The following COLEC12 variants were observed in gnomAD, a reference collection of about 807,000 sequenced individuals.
COLEC12 encodes collectin-12.
In COLEC12, 33 loss-of-function variants were observed where a neutral mutation model predicts 71.1. That is an observed-to-expected ratio of 0.46 (90% confidence interval 0.35 to 0.62). The LOEUF (loss-of-function observed/expected upper bound fraction) is 0.62. Ranked by LOEUF, COLEC12 falls within the 20% of genes least tolerant of loss-of-function variation. COLEC12 has a pLI of 0.00. For synonymous variants in COLEC12, 350 were observed against 353.0 expected (o/e 0.99, Z 0.10); for missense variants, 765 against 916.1 (o/e 0.84, Z 2.13).
At chr18:450,233 G>A (rs530249733) in intron 2 of COLEC12, among the ~76,000 whole-genome samples, 12 of 152,170 alleles carry the variant, frequency 7.9e-5, no homozygotes, top group African/African-American at 2.6e-4. Context: ...TGTCTTTTCC[G>A]CCTATTTCAC....
intron 5 of COLEC12, among the ~76,000 whole-genome samples, chr18:335,732 C>T (rs2076867): frequency 0.6 from 91,299 of 152,122 alleles, 28,398 homozygotes; most frequent in Non-Finnish European, 0.67. Flanking sequence ...CCTCCCAGTC[C>T]GTGTACTGTG....
intron 2 of COLEC12, among the ~76,000 whole-genome samples, chr18:455,278 CTTT>C (rs33915278): frequency 6.8e-5 from 9 of 132,462 alleles, no homozygotes; most frequent in Non-Finnish European, 9.6e-5. Context: ...TTATTTTACG[CTTT>C]TTTTTTTTTT....
At chr18:482,109 G>A (rs977915832) in intron 1 of COLEC12, among the ~76,000 whole-genome samples, 1 of 150,920 alleles carries the variant, frequency 6.6e-6, no homozygotes, top group African/African-American at 2.4e-5. Context: ...CTACTGTCCA[G>A]GAGGAACACT....
At chr18:497,358 G>T (rs1453811191) in intron 1 of COLEC12, among the ~76,000 whole-genome samples, 2 of 151,330 alleles carry the variant, frequency 1.3e-5, no homozygotes, top group Non-Finnish European at 2.9e-5. Context: ...GGTGTCCACT[G>T]ATTTTCAATT....
At chr18:363,347 G>C (rs1433229216) in intron 2 of COLEC12, among the ~76,000 whole-genome samples, 1 of 152,212 alleles carries the variant, frequency 6.6e-6, no homozygotes, top group Non-Finnish European at 1.5e-5. Flanking sequence ...GGTAGGTGGA[G>C]GCCGGCACTG....
chr18:480,215 ATTCAGGG>A lies in COLEC12; in HGVS notation c.58+485_58+491del, dbSNP rs1275069418. Among the ~76,000 whole-genome samples, 1 of 152,152 alleles carries A rather than the reference ATTCAGGG, an allele frequency of 6.6e-6. No individual in the cohort carries two copies. The highest frequency in any genetic ancestry group is 1.5e-5 in the Non-Finnish European group (1 of 68,026). ...CATAAGGTAACATTCAGGTTTCAGGATTCAGGGTGCTGTCACCTTTGGGGGCCATTCC... is the reference window on the plus strand; with the variant it reads ...CATAAGGTAACATTCAGGTTTCAGGATGCTGTCACCTTTGGGGGCCATTCC... On this transcript the variant is annotated intron_variant, in intron 2 of 9. Coordinates refer to ENST00000400256, the MANE Select transcript of COLEC12 (RefSeq NM_130386.3). The surrounding 1 kb of genome is among the most constrained non-coding windows in gnomAD (Gnocchi z 4.1).
rs1020858458 is a variant in COLEC12 at position 348,244 on chromosome 18, T to C, written c.182-81A>G. On this transcript the variant is annotated intron_variant, in intron 3 of 9. Transcript: ENST00000400256. ...AGTTTCAAAACAAGAGATCATTTCA[T>C]TATGGAACAAAGGAAACAGATTGAA... The C allele has an allele frequency of 1.0e-5, 9 of 865,496 alleles. No homozygotes were observed. In the African/African-American group the frequency reaches 1.2e-4, roughly 11 times the overall value. 53.6% of individuals were successfully genotyped at this position (865,496 alleles called of 1,614,324 possible).
intron 2 of COLEC12, among the ~76,000 whole-genome samples, chr18:405,370 G>T (rs1487400812): frequency 6.6e-6 from 1 of 151,998 alleles, no homozygotes; most frequent in African/African-American, 2.4e-5. Context: ...TGTGATCTTT[G>T]TACCTACTCC....
intron 2 of COLEC12, among the ~76,000 whole-genome samples, chr18:424,965 G>T (rs749205328): frequency 6.6e-6 from 1 of 152,090 alleles, no homozygotes; most frequent in Non-Finnish European, 1.5e-5. Context: ...CGAGCCGGGC[G>T]GCCTTCCCTT....
At chr18:416,953 G>T (rs1344969223) in intron 2 of COLEC12, among the ~76,000 whole-genome samples, 2 of 151,880 alleles carry the variant, frequency 1.3e-5, no homozygotes, top group African/African-American at 4.8e-5. Context: ...CAAGGGCATG[G>T]ATGTGTGGGA....
At chr18:434,030 AAG>A (rs1383255834) in intron 2 of COLEC12, among the ~76,000 whole-genome samples, 3 of 151,710 alleles carry the variant, frequency 2.0e-5, no homozygotes, top group African/African-American at 7.3e-5. Flanking sequence ...AAACATAATT[AAG>A]AGAGAGAAAA....
intron 2 of COLEC12, among the ~76,000 whole-genome samples, chr18:420,162 C>CAAT (rs1302960746): frequency 1.3e-5 from 2 of 152,032 alleles, no homozygotes; most frequent in Non-Finnish European, 2.9e-5. Flanking sequence ...AGGACCAGAG[C>CAAT]AATAATAATA....
At chr18:449,123 A>C (rs1916708621) in intron 2 of COLEC12, among the ~76,000 whole-genome samples, 1 of 152,124 alleles carries the variant, frequency 6.6e-6, no homozygotes, top group African/African-American at 2.4e-5. Flanking sequence ...AAAATATAAC[A>C]ATAAAAGTGG....
At chr18:361,715 C>T (rs1459939667) in intron 2 of COLEC12, among the ~76,000 whole-genome samples, 3 of 152,198 alleles carry the variant, frequency 2.0e-5, no homozygotes, top group Admixed American at 6.5e-5. Flanking sequence ...AGACACGCCA[C>T]ATTCCATGCT....
chr18:418,290 T>A (rs908175452), intron 2 of COLEC12, among the ~76,000 whole-genome samples: 1 of 152,242 alleles, frequency 6.6e-6, no homozygotes, highest in Non-Finnish European at 1.5e-5. Flanking sequence ...AAGGATCTTT[T>A]CTTCATTCTA....
chr18:496,166 G>C (rs758862664), intron 1 of COLEC12, among the ~76,000 whole-genome samples: 3 of 152,136 alleles, frequency 2.0e-5, no homozygotes, highest in Non-Finnish European at 4.4e-5. Context: ...ATTATAATGA[G>C]AATAGGCATT....
intron 2 of COLEC12, among the ~76,000 whole-genome samples, chr18:445,880 C>A (rs1320634222): frequency 6.6e-6 from 1 of 152,172 alleles, no homozygotes; most frequent in African/African-American, 2.4e-5. Context: ...GATCTGCCTG[C>A]CTCAGCCTCC....
chr18:402,402 A>G (rs1202948775), intron 2 of COLEC12, among the ~76,000 whole-genome samples: 1 of 152,154 alleles, frequency 6.6e-6, no homozygotes, highest in African/African-American at 2.4e-5. Flanking sequence ...TCAGCAACTC[A>G]GGTTTCCTGC....
At chr18:499,131 G>C (rs1194085930) in intron 1 of COLEC12, among the ~76,000 whole-genome samples, 5 of 152,200 alleles carry the variant, frequency 3.3e-5, no homozygotes, top group Non-Finnish European at 1.5e-5. Context: ...TCCTCAATCA[G>C]AGCCAGCTAA....
Sources: gnomAD v4.1 joint callset for allele counts (sites outside exome capture counted in the v4.1 genomes callset) on GRCh38, gnomAD v4.1.1 for gene constraint, Gnocchi (gnomAD v3.1) non-coding constraint, MANE v1.5 for transcripts, NCBI Gene and HGNC (gene_info 2026-07-23, HGNC 2026-07-21) for gene names.